The following TMEM165 variants were observed in gnomAD, a reference collection of about 807,000 sequenced individuals.
TMEM165 encodes the protein putative divalent cation/proton antiporter TMEM165.
TMEM165 carries 19 observed loss-of-function variants against 30.0 expected under a neutral mutation model. That is an observed-to-expected ratio of 0.63 (90% CI 0.44 to 0.93). The LOEUF is 0.93. Ranked by LOEUF, TMEM165 falls within the 40% of genes least tolerant of loss-of-function variation. The probability of loss-of-function intolerance (pLI) is 0.00; values close to 1 mark genes in which losing one functional copy is unlikely to be tolerated. For missense variants in TMEM165, 340 were observed against 417.0 expected, an observed-to-expected ratio of 0.82 and a Z score of 1.61; for synonymous variants, 168 against 162.9, an observed-to-expected ratio of 1.03 and a Z score of -0.24.
chr4:55,416,547 G>A (rs189881250), intron 2 of TMEM165, among the ~76,000 whole-genome samples: 354 of 152,070 alleles, frequency 2.3e-3, no homozygotes, highest in Non-Finnish European at 3.9e-3. Context: ...TTCATAAAAC[G>A]TACTTATTTT....
At chr4:55,449,772 C>T (rs1447532115) in intron 3 of TMEM165, among the ~76,000 whole-genome samples, 1 of 151,932 alleles carries the variant, frequency 6.6e-6, no homozygotes, top group African/African-American at 2.4e-5. Flanking sequence ...CAATAAAAAA[C>T]TTTCAAAAAG....
intron 4 of TMEM165, among the ~76,000 whole-genome samples, chr4:55,420,106 A>AAAAAAAATATAT (rs1474254120): frequency 2.2e-5 from 1 of 45,444 alleles, no homozygotes; most frequent in Non-Finnish European, 4.1e-5. Context: ...AAGAAAAAAA[A>AAAAAAAATATAT]ATATATATAT....
intron 1 of TMEM165, among the ~76,000 whole-genome samples, chr4:55,411,340 G>A (rs1210970523): frequency 6.6e-6 from 1 of 151,888 alleles, no homozygotes; most frequent in Non-Finnish European, 1.5e-5. Flanking sequence ...TCTGGATTAG[G>A]GGTACTCAGC....
intron 1 of TMEM165, among the ~76,000 whole-genome samples, chr4:55,408,173 C>T (rs528313745): frequency 1.3e-5 from 2 of 152,268 alleles, no homozygotes; most frequent in East Asian, 1.9e-4. Context: ...CGATACTTTT[C>T]GTTTTAAGTT....
chr4:55,427,378 T>TGTCA (rs1560400725), downstream of TMEM165, among the ~76,000 whole-genome samples: 6 of 149,942 alleles, frequency 4.0e-5, no homozygotes, highest in Admixed American at 6.6e-5. Context: ...TATCTCACTC[T>TGTCA]GTCACCTGGG....
At chr4:55,416,286 C>T (rs1380178876) in intron 2 of TMEM165, 2 of 152,172 alleles carry the variant, frequency 1.3e-5, no homozygotes, top group African/African-American at 4.8e-5. Context: ...AGCAATCCTT[C>T]CACCGTGGCC....
chr4:55,418,110 T>G, intron 4 of TMEM165, 125 bp downstream of exon 4: 1 of 866,610 alleles, frequency 1.2e-6, no homozygotes. Flanking sequence ...GTTTTACATC[T>G]GATAATTCAG....
intron 1 of TMEM165, among the ~76,000 whole-genome samples, chr4:55,408,123 A>G (rs1464521796): frequency 6.6e-6 from 1 of 152,194 alleles, no homozygotes; most frequent in Non-Finnish European, 1.5e-5. Context: ...AATCCTGTTA[A>G]TATTTTAATT....
At chr4:55,406,031 A>G (rs549336443) in intron 1 of TMEM165, among the ~76,000 whole-genome samples, 39 of 152,384 alleles carry the variant, frequency 2.6e-4, no homozygotes, top group African/African-American at 3.8e-4. Flanking sequence ...TAGCCACTCC[A>G]TGAGTGACTA....
downstream of TMEM165, among the ~76,000 whole-genome samples, chr4:55,426,809 A>ATGAT (rs535962432): frequency 1.7e-4 from 26 of 152,350 alleles, no homozygotes; most frequent in South Asian, 4.8e-3. Context: ...TGTGAGGAAG[A>ATGAT]TGATAGCTAC....
At chr4:55,423,771 A>C (rs1428157587) in intron 4 of TMEM165, 1 of 152,228 alleles carries the variant, frequency 6.6e-6, no homozygotes, top group Non-Finnish European at 1.5e-5. Flanking sequence ...CCAGCTAAAA[A>C]CCAACAAGTG....
At chr4:55,401,868 C>T (rs377561722) in intron 1 of TMEM165, among the ~76,000 whole-genome samples, 5 of 150,100 alleles carry the variant, frequency 3.3e-5, no homozygotes. Flanking sequence ...TGTAATCCCT[C>T]CACTTTGGGA....
At position 55,451,243 on chromosome 4, in the gene TMEM165, ATTAAATG is replaced by A. The variant is rs1724421015; in HGVS notation, c.409-990_409-984del. On this transcript the variant is annotated intron_variant, in intron 3 of 3. Transcript: ENST00000608091. Reference sequence around the variant, plus strand: ...ATCTGTTCTTATTGATCACCAATGAATTAAATGTTAAAGTTAATGCTCAGTTCTCAAC... The same window carrying A: ...ATCTGTTCTTATTGATCACCAATGAATTAAAGTTAATGCTCAGTTCTCAAC... 2.0e-5 allele frequency among the ~76,000 whole-genome samples: 3 copies of A among 152,318 alleles called. No individual in the cohort carries two copies. In the South Asian group the frequency reaches 6.2e-4, roughly 32 times the overall value.
chr4:55,448,602 G>GCGCGCGTGTA (rs1553891251), intron 3 of TMEM165, among the ~76,000 whole-genome samples: 1 of 14,384 alleles, frequency 7.0e-5, no homozygotes, highest in Non-Finnish European at 1.2e-4. Flanking sequence ...GCACGCGCGC[G>GCGCGCGTGTA]TGTGTGTGTG....
chr4:55,419,523 G>C (rs1357260398), intron 4 of TMEM165, among the ~76,000 whole-genome samples: 5 of 151,992 alleles, frequency 3.3e-5, no homozygotes, highest in African/African-American at 1.2e-4. Context: ...ATGCCCATTG[G>C]TTTTTTATTT....
rs1024884099 is a variant in TMEM165, at chr4:55,425,509, A to G, written c.*57A>G. ...AATAGGTAGTATTATCTTTCTGTAC[A>G]TAGTGTACATTACAACTAAAAGTGA... On this transcript the variant is annotated 3_prime_UTR_variant, in exon 6 of 6. Transcript: ENST00000381334. 7 of 1,335,480 alleles carry G rather than the reference A, an allele frequency of 5.2e-6. No homozygotes were observed. The highest frequency in any genetic ancestry group is 1.8e-4 in the Middle Eastern group (1 of 5,512). The allele number at this position is 1,335,480 out of a possible 1,614,324, so 82.7% of individuals were successfully genotyped here. A position where few individuals can be genotyped will look rare whatever the true frequency, so the allele number is the denominator to read the frequency against.
intron 3 of TMEM165, chr4:55,450,369 T>A: frequency 1.1e-6 from 1 of 916,692 alleles, no homozygotes; most frequent in Non-Finnish European, 1.7e-6. Flanking sequence ...CATACACATG[T>A]AAAGAAATGA....
At chr4:55,439,313 G>C (rs966616336) in intron 3 of TMEM165, among the ~76,000 whole-genome samples, 1 of 152,054 alleles carries the variant, frequency 6.6e-6, no homozygotes, top group Non-Finnish European at 1.5e-5. Flanking sequence ...CACAACAAGA[G>C]GCTACTTTAT....
At chr4:55,437,314 C>G (rs922414928) in intron 3 of TMEM165, among the ~76,000 whole-genome samples, 9 of 152,114 alleles carry the variant, frequency 5.9e-5, no homozygotes, top group Non-Finnish European at 8.8e-5. Context: ...AAGTGCCCAG[C>G]CTAGATGAAG....
Sources: gnomAD v4.1 joint callset for allele counts (sites outside exome capture counted in the v4.1 genomes callset) on GRCh38, gnomAD v4.1.1 for gene constraint, MANE v1.5 for transcripts, NCBI Gene and HGNC (gene_info 2026-07-23, HGNC 2026-07-21) for gene names.